The following RBFOX1 variants were observed in gnomAD, a reference collection of about 807,000 sequenced individuals.
The protein encoded by RBFOX1 is RNA binding protein fox-1 homolog 1.
Under a neutral mutation model 57.7 loss-of-function variants are expected in RBFOX1, and 8 were observed. That is an observed-to-expected ratio of 0.14 (90% CI 0.08 to 0.25). RBFOX1 has a LOEUF of 0.25. RBFOX1 is among the 10% of genes least tolerant of loss of function. The probability of loss-of-function intolerance (pLI) is 1.00; values close to 1 mark genes in which losing one functional copy is unlikely to be tolerated. For missense variants in RBFOX1, 611 were observed against 548.5 expected, an observed-to-expected ratio of 1.11 and a Z score of -1.14; for synonymous variants, 326 against 222.4, an observed-to-expected ratio of 1.47 and a Z score of -4.15.
At chr16:7,054,352 G>T (rs377625948) in intron 4 of RBFOX1, among the ~76,000 whole-genome samples, 1 of 146,592 alleles carries the variant, frequency 6.8e-6, no homozygotes, top group African/African-American at 2.5e-5. Flanking sequence ...CAATTCTCGT[G>T]CCTCAGCCTC....
At chr16:5,918,308 C>T (rs921749841) in intron 4 of RBFOX1, among the ~76,000 whole-genome samples, 2 of 152,084 alleles carry the variant, frequency 1.3e-5, no homozygotes, top group East Asian at 1.9e-4. Context: ...TTAGTACAGA[C>T]GGGGTTTCAC....
intron 3 of RBFOX1, among the ~76,000 whole-genome samples, chr16:5,856,575 G>GTATATATATATATATATGTATA (rs2057071482): frequency 1.5e-4 from 5 of 32,922 alleles, no homozygotes; most frequent in African/African-American, 6.3e-4. Context: ...GTGTGTGTGT[G>GTATATATATATATATATGTATA]TATATATATA....
At chr16:6,752,293 T>A (rs1184204734) in intron 3 of RBFOX1, among the ~76,000 whole-genome samples, 1 of 152,320 alleles carries the variant, frequency 6.6e-6, no homozygotes, top group South Asian at 2.1e-4. Flanking sequence ...GCAATTTGGA[T>A]GTACTCCAGA....
At chr16:7,510,395 C>A in intron 4 of RBFOX1, 2 of 948,138 alleles carry the variant, frequency 2.1e-6, no homozygotes, top group Non-Finnish European at 2.5e-6. Context: ...GTGTTAAGTC[C>A]GTGCTGTCGG....
At chr16:7,460,537 G>C (rs1294626384) in intron 4 of RBFOX1, among the ~76,000 whole-genome samples, 1 of 147,496 alleles carries the variant, frequency 6.8e-6, no homozygotes, top group East Asian at 2.0e-4. Flanking sequence ...ATATATTAGA[G>C]GGGAACAACA....
intron 4 of RBFOX1, among the ~76,000 whole-genome samples, chr16:5,908,155 C>T (rs868133417): frequency 3.4e-4 from 41 of 122,078 alleles, no homozygotes; most frequent in South Asian, 7.5e-4. Flanking sequence ...CACATATATA[C>T]ACATATATAT....
intron 1 of RBFOX1, among the ~76,000 whole-genome samples, chr16:6,269,664 T>G (rs1330235381): frequency 6.6e-6 from 1 of 152,120 alleles, no homozygotes; most frequent in Non-Finnish European, 1.5e-5. Context: ...GAAGGAGAAA[T>G]CAAGACATTT....
In RBFOX1 at chr16:7,504,754, TTTATATATA is replaced by T. The variant is rs2072476231; in HGVS notation, c.28-13391_28-13383del. 1.9e-3 allele frequency among the ~76,000 whole-genome samples: 11 copies of T among 5,642 alleles called. 1 individual carries two copies. The highest frequency in any genetic ancestry group is 3.8e-3 in the African/African-American group (11 of 2,902). 3.7% of individuals were successfully genotyped at this position (5,642 alleles called of 152,430 possible). On this transcript the variant is annotated intron_variant, in intron 4 of 15. Transcript: ENST00000550418. Reference sequence around the variant, plus strand: ...ATATATATATATATATATATATATATTTATATATATATATATTTATATATATATATATTT... The same window carrying T: ...ATATATATATATATATATATATATATTATATATTTATATATATATATATTT...
At chr16:5,622,429 G>A (rs2048226217) in intron 3 of RBFOX1, among the ~76,000 whole-genome samples, 1 of 152,230 alleles carries the variant, frequency 6.6e-6, no homozygotes, top group Non-Finnish European at 1.5e-5. Context: ...GGCGTAGTAA[G>A]CCCTTGGTAA....
rs901287533 is a variant in RBFOX1 at position 6,727,447 on chromosome 16, C to T, written c.-16+72797C>T. Among the ~76,000 whole-genome samples the T allele has an allele frequency of 1.8e-4, 28 of 151,846 alleles. 1 individual carries two copies. The highest frequency in any genetic ancestry group is 2.2e-4 in the African/African-American group (9 of 41,322). ...TTTCTTTTTTTCCTTCATATTCCCC[C>T]GCTGCTTCCACCTACACCAGATGAA... On this transcript the variant is annotated intron_variant, in intron 3 of 15. Transcript: ENST00000550418.
intron 1 of RBFOX1, among the ~76,000 whole-genome samples, chr16:5,246,190 C>T (rs867308012): frequency 1.1e-4 from 17 of 152,252 alleles, no homozygotes; most frequent in Admixed American, 4.6e-4. Flanking sequence ...TGCAGTCAGC[C>T]GAGATCGCGC....
chr16:6,851,674 G>A (rs1313256940), intron 3 of RBFOX1, among the ~76,000 whole-genome samples: 2 of 152,136 alleles, frequency 1.3e-5, no homozygotes, highest in African/African-American at 4.8e-5. Flanking sequence ...GGGTCGAGAA[G>A]ACATGGGTGA....
intron 3 of RBFOX1, among the ~76,000 whole-genome samples, chr16:6,842,389 A>G (rs759977951): frequency 1.3e-5 from 2 of 151,724 alleles, no homozygotes; most frequent in Non-Finnish European, 2.9e-5. Context: ...TGTTCTCCTT[A>G]TTTAATCCAA....
chr16:6,090,482 A>C (rs903123120), intron 1 of RBFOX1, among the ~76,000 whole-genome samples: 1 of 152,210 alleles, frequency 6.6e-6, no homozygotes, highest in Non-Finnish European at 1.5e-5. Context: ...CAAGATATGA[A>C]CCATGATGCT....
intron 9 of RBFOX1, among the ~76,000 whole-genome samples, chr16:7,600,842 C>T (rs1030374939): frequency 1.3e-5 from 2 of 151,918 alleles, no homozygotes; most frequent in Non-Finnish European, 2.9e-5. Context: ...GGTGTAGATA[C>T]TATTCTCAGG....
chr16:7,568,717 C>G (rs2092411820), intron 5 of RBFOX1, among the ~76,000 whole-genome samples: 1 of 151,652 alleles, frequency 6.6e-6, no homozygotes, highest in African/African-American at 2.4e-5. Flanking sequence ...AACCCCGACT[C>G]TACTAAAAAT....
At chr16:5,637,699 T>G (rs1280291863) in intron 3 of RBFOX1, among the ~76,000 whole-genome samples, 2 of 152,162 alleles carry the variant, frequency 1.3e-5, no homozygotes, top group Non-Finnish European at 2.9e-5. Context: ...GGGAGGCAGA[T>G]GGGGAAGGAT....
intron 3 of RBFOX1, among the ~76,000 whole-genome samples, chr16:6,974,336 C>CTTTTTTTTTTTTTTTTTTTTTTTTTTT (rs59299498): frequency 1.7e-5 from 1 of 58,666 alleles, no homozygotes; most frequent in Non-Finnish European, 3.1e-5. Context: ...TTTTCTTTTT[C>CTTTTTTTTTTTTTTTTTTTTTTTTTTT]TTTTTTTTTT....
chr16:7,454,961 C>A (rs114092545), intron 4 of RBFOX1, among the ~76,000 whole-genome samples: 1 of 152,174 alleles, frequency 6.6e-6, no homozygotes, highest in Admixed American at 6.5e-5. Flanking sequence ...TGGGCCATAC[C>A]CTTTTCCAAT....
Sources: allele counts gnomAD v4.1 joint callset (sites outside exome capture counted in the v4.1 genomes callset), GRCh38; gene constraint gnomAD v4.1.1; transcripts MANE v1.5; gene names NCBI Gene and HGNC (gene_info 2026-07-23, HGNC 2026-07-21).